SMCHD1: variants seen among roughly 807,000 people sequenced by gnomAD.
SMCHD1 encodes the protein structural maintenance of chromosomes flexible hinge domain containing 1, also known as structural maintenance of chromosomes flexible hinge domain-containing protein 1.
A neutral mutation model predicts 254.7 loss-of-function variants in SMCHD1; 78 were observed. The observed-to-expected ratio is 0.31, with a 90% confidence interval of 0.26 to 0.37. The LOEUF is 0.37. SMCHD1 is among the 10% of genes least tolerant of loss of function. The pLI is 1.00. For synonymous variants in SMCHD1, 766 were observed against 794.9 expected (o/e 0.96, Z 0.61); for missense variants, 1,840 against 2,408.1 (o/e 0.76, Z 4.94).
chr18:2,708,915 T>TATATAAAAC (rs1568199419), intron 17 of SMCHD1, among the ~76,000 whole-genome samples: 16 of 90,460 alleles, frequency 1.8e-4, no homozygotes, highest in African/African-American at 5.9e-4. Context: ...TATAACATAT[T>TATATAAAAC]AACATGAAAT....
At position 2,803,716 on chromosome 18, in the gene SMCHD1, T is replaced by C. The variant is rs2076403538; in HGVS notation, c.*1164T>C. On this transcript the variant is annotated 3_prime_UTR_variant, in exon 48 of 48. Transcript: ENST00000320876. Reference sequence around the variant, plus strand: ...TATCTATCTTTATAATTGGAAATTATTTAAACTGTTTGTTGTTACAGAAGA... The same window carrying C: ...TATCTATCTTTATAATTGGAAATTACTTAAACTGTTTGTTGTTACAGAAGA... The C allele has an allele frequency of 1.3e-5, 2 of 151,882 alleles. No homozygotes were observed. The highest frequency in any genetic ancestry group is 4.1e-4 in the South Asian group (2 of 4,836). 9.4% of individuals were successfully genotyped at this position (151,882 alleles called of 1,614,324 possible).
At chr18:2,677,112 A>G (rs950503801) in intron 5 of SMCHD1, among the ~76,000 whole-genome samples, 3 of 151,586 alleles carry the variant, frequency 2.0e-5, no homozygotes, top group Non-Finnish European at 4.4e-5. Flanking sequence ...GTGTTTCCTC[A>G]GCATTGTTTT....
chr18:2,660,149 C>T (rs561529198), intron 1 of SMCHD1, among the ~76,000 whole-genome samples: 18 of 152,138 alleles, frequency 1.2e-4, no homozygotes, highest in African/African-American at 4.1e-4. Context: ...CATGGTGAAA[C>T]CCCGTCTCTA....
intron 17 of SMCHD1, among the ~76,000 whole-genome samples, chr18:2,715,416 T>G (rs2143338864): frequency 6.6e-6 from 1 of 152,254 alleles, no homozygotes; most frequent in East Asian, 1.9e-4. Context: ...TTGTAATTCC[T>G]TCCATGAATT....
At chr18:2,676,709 A>G (rs1201043989) in intron 5 of SMCHD1, among the ~76,000 whole-genome samples, 2 of 152,200 alleles carry the variant, frequency 1.3e-5, no homozygotes, top group Non-Finnish European at 2.9e-5. Flanking sequence ...ACTAGCACCC[A>G]TATATCCTTC....
At chr18:2,682,218 G>A (rs1198781546) in intron 5 of SMCHD1, among the ~76,000 whole-genome samples, 2 of 151,374 alleles carry the variant, frequency 1.3e-5, no homozygotes, top group Non-Finnish European at 2.9e-5. Context: ...ATATACATAC[G>A]TAGTTACTCT....
rs747553146 is a variant in SMCHD1 at position 2,775,893 on chromosome 18, A to G, written c.5335A>G (p.Ile1779Val). The G allele has an allele frequency of 1.1e-5, 18 of 1,602,870 alleles. No homozygotes were observed. Among genetic ancestry groups the G allele is most frequent in the African/African-American group, 6.7e-5 (5 of 74,098 alleles). Residue 1779 changes from isoleucine to valine, a missense_variant, in exon 42 of 48, where the codon ATT becomes GTT. Around this residue, in one of 9 missense-constraint regions of SMCHD1, gnomAD observed 114 missense variants for 217.6 expected, o/e 0.52. Coordinates refer to ENST00000320876, the MANE Select transcript of SMCHD1 (RefSeq NM_015295.3). ...TCAGCAGGTGTTGCCCCTTGATTCTATTTACAAGAAGACTCTTCCAGATTG... is the reference window on the plus strand; with the variant it reads ...TCAGCAGGTGTTGCCCCTTGATTCTGTTTACAAGAAGACTCTTCCAGATTG... ...GRQQVLPLDSIYKKTLPDWKR... is the reference protein window; with the variant it reads ...GRQQVLPLDSVYKKTLPDWKR...
intron 34 of SMCHD1, among the ~76,000 whole-genome samples, chr18:2,758,435 A>G (rs2075723222): frequency 6.6e-6 from 1 of 151,970 alleles, no homozygotes; most frequent in Admixed American, 6.6e-5. Context: ...CCCAATTTAC[A>G]TGCCTTTTTG....
intron 30 of SMCHD1, among the ~76,000 whole-genome samples, chr18:2,748,380 G>T (rs200358947): frequency 1.2e-5 from 1 of 80,278 alleles, no homozygotes; most frequent in East Asian, 4.2e-4. Flanking sequence ...GTGTGTGTGT[G>T]TGTATATAAA....
chr18:2,659,644 GA>G (rs1376771247), intron 1 of SMCHD1, among the ~76,000 whole-genome samples: 1 of 151,702 alleles, frequency 6.6e-6, no homozygotes, highest in Non-Finnish European at 1.5e-5. Flanking sequence ...CCAATTTGAA[GA>G]AATTGTCTAC....
At chr18:2,691,142 A>G (rs1488744601) in intron 7 of SMCHD1, among the ~76,000 whole-genome samples, 1 of 152,058 alleles carries the variant, frequency 6.6e-6, no homozygotes, top group Non-Finnish European at 1.5e-5. Flanking sequence ...ACAGTATTCC[A>G]TCTTGTCTTA....
intron 45 of SMCHD1, among the ~76,000 whole-genome samples, chr18:2,790,636 C>G (rs2143838627): frequency 6.6e-6 from 1 of 152,228 alleles, no homozygotes; most frequent in African/African-American, 2.4e-5. Context: ...TGGCACACAC[C>G]TGTAATCCCA....
intron 5 of SMCHD1, among the ~76,000 whole-genome samples, chr18:2,677,465 A>G (rs1006378758): frequency 2.6e-5 from 4 of 152,204 alleles, no homozygotes; most frequent in African/African-American, 9.6e-5. Flanking sequence ...TTTACGTATC[A>G]TAAAATTCAC....
At chr18:2,690,052 T>C (rs951413826) in intron 7 of SMCHD1, among the ~76,000 whole-genome samples, 7 of 152,194 alleles carry the variant, frequency 4.6e-5, no homozygotes, top group African/African-American at 1.4e-4. Flanking sequence ...TTTTGAACTT[T>C]TAAAAATTTG....
intron 37 of SMCHD1, among the ~76,000 whole-genome samples, chr18:2,765,107 C>T (rs159825): frequency 0.76 from 115,954 of 152,068 alleles, 44,194 homozygotes; most frequent in Admixed American, 0.8. Context: ...GATTGTTTAC[C>T]GACCATTTCT....
At chr18:2,678,274 C>T (rs62084196) in intron 5 of SMCHD1, among the ~76,000 whole-genome samples, 54,765 of 94,884 alleles carry the variant, frequency 0.58, 17,003 homozygotes, top group East Asian at 0.69. Context: ...TCTCTCTCTC[C>T]CTCTCTCTCT....
At chr18:2,776,813 T>G (rs1315175057) in intron 42 of SMCHD1, among the ~76,000 whole-genome samples, 3 of 152,176 alleles carry the variant, frequency 2.0e-5, no homozygotes, top group African/African-American at 7.2e-5. Flanking sequence ...GATTCTAAAA[T>G]CTGCCACCCT....
At chr18:2,794,065 T>G (rs915326169) in intron 45 of SMCHD1, among the ~76,000 whole-genome samples, 6 of 152,154 alleles carry the variant, frequency 3.9e-5, no homozygotes, top group Non-Finnish European at 1.5e-5. Flanking sequence ...GTGACTAGAG[T>G]CTTATCCAGA....
At chr18:2,750,210 C>G (rs958910040) in intron 31 of SMCHD1, 88 bp downstream of exon 31, 73 of 1,417,614 alleles carry the variant, frequency 5.1e-5, no homozygotes, top group Non-Finnish European at 6.7e-5. Flanking sequence ...GACTATCCTT[C>G]TGTTTAATGT....
Sources: allele counts gnomAD v4.1 joint callset (sites outside exome capture counted in the v4.1 genomes callset), GRCh38; gene constraint gnomAD v4.1.1; regional missense constraint gnomAD v4.1.1; transcripts MANE v1.5; gene names NCBI Gene and HGNC (gene_info 2026-07-23, HGNC 2026-07-21).